The following GET1 variants were observed in gnomAD, a reference collection of about 807,000 sequenced individuals.
The protein encoded by GET1 is guided entry of tail-anchored proteins factor 1.
In GET1, 20 loss-of-function variants were observed where a neutral mutation model predicts 22.6. That is an observed-to-expected ratio of 0.89 (90% confidence interval 0.62 to 1.29). The LOEUF is 1.29. Ranked by LOEUF, GET1 falls within the 50% of genes most tolerant of loss-of-function variation. The pLI is 0.00. For synonymous variants in GET1, 92 were observed against 83.8 expected (o/e 1.10, Z -0.53); for missense variants, 209 against 219.9 (o/e 0.95, Z 0.31).
chr21:39,410,242 CA>C (rs2039854596), downstream of GET1: 2 of 1,467,586 alleles, frequency 1.4e-6, no homozygotes, highest in Admixed American at 3.5e-5. Context: ...TCAGACACTG[CA>C]AGATTCCAAA....
chr21:39,417,285 C>T (rs2041374337), intron 1 of GET1, among the ~76,000 whole-genome samples: 1 of 152,156 alleles, frequency 6.6e-6, no homozygotes, highest in Non-Finnish European at 1.5e-5. Context: ...GGTGATCCGC[C>T]CACCTTGGCC....
exon 2 of GET1, chr21:39,428,504 CTAA>C: frequency 6.8e-7 from 1 of 1,469,264 alleles, no homozygotes; most frequent in Non-Finnish European, 9.0e-7. Flanking sequence ...AGCAAACAAC[CTAA>C]TAAAAGAAAA....
chr21:39,380,703 AC>A, intron 1 of GET1: 13 of 1,364,500 alleles, frequency 9.5e-6, no homozygotes, highest in Non-Finnish European at 1.2e-5. Flanking sequence ...TGGGAGAAAC[AC>A]CGGGCAACCC....
chr21:39,395,947 AAAAT>A (rs2038613295), intron 4 of GET1, among the ~76,000 whole-genome samples: 1 of 152,254 alleles, frequency 6.6e-6, no homozygotes, highest in Non-Finnish European at 1.5e-5. Context: ...TGAGAAAGGA[AAAAT>A]AAATAATCTT....
At chr21:39,382,271 T>G (rs2037601025) in intron 1 of GET1, among the ~76,000 whole-genome samples, 1 of 151,882 alleles carries the variant, frequency 6.6e-6, no homozygotes. Flanking sequence ...CCCAGGTTGG[T>G]CTCAAACTCC....
At chr21:39,422,415 C>CT (rs2073921877) in intron 1 of GET1, 1 of 152,568 alleles carries the variant, frequency 6.6e-6, no homozygotes, top group Non-Finnish European at 1.5e-5. Context: ...CCAGTCATCT[C>CT]TTTAATTATT....
intron 1 of GET1, chr21:39,387,733 C>T (rs2038010052): frequency 2.1e-6 from 2 of 971,874 alleles, no homozygotes; most frequent in Non-Finnish European, 2.4e-6. Flanking sequence ...CGCTGGTAGG[C>T]GGCATCACTG....
chr21:39,394,860 T>G (rs765880467), intron 4 of GET1, among the ~76,000 whole-genome samples: 1 of 152,166 alleles, frequency 6.6e-6, no homozygotes, highest in South Asian at 2.1e-4. Context: ...ATCAGTACAT[T>G]TCTTTTCTTT....
chr21:39,423,094 TC>T, intron 1 of GET1: 2 of 1,613,990 alleles, frequency 1.2e-6, no homozygotes, highest in Non-Finnish European at 1.7e-6. Flanking sequence ...CTGCAAGATA[TC>T]TTTAGTCTTC....
chr21:39,391,470 C>T, intron 2 of GET1: 1 of 345,810 alleles, frequency 2.9e-6, no homozygotes. Context: ...AAAATTTAGT[C>T]CTGTTGGTAA....
chr21:39,394,082 C>G (rs553781102), intron 4 of GET1, among the ~76,000 whole-genome samples: 127 of 152,206 alleles, frequency 8.3e-4, no homozygotes, highest in Non-Finnish European at 1.5e-3. Flanking sequence ...GTAATCCTAG[C>G]ACTTTGGGAG....
chr21:39,388,367 C>G (rs575879591), intron 1 of GET1, among the ~76,000 whole-genome samples: 7 of 152,164 alleles, frequency 4.6e-5, no homozygotes, highest in Admixed American at 1.3e-4. Flanking sequence ...TCCTCAGACC[C>G]CATGCAGGTT....
intron 4 of GET1, among the ~76,000 whole-genome samples, 181 bp from the exon 5 acceptor site, chr21:39,396,685 C>CAAAA (rs5843962): frequency 1.0e-5 from 1 of 97,882 alleles, no homozygotes; most frequent in African/African-American, 3.9e-5. Flanking sequence ...GACTCCGTCT[C>CAAAA]AAAAAAAAAA....
At chr21:39,415,845 C>T (rs2041045158) in intron 1 of GET1, among the ~76,000 whole-genome samples, 1 of 152,172 alleles carries the variant, frequency 6.6e-6, no homozygotes. Context: ...ATGCTGCTGA[C>T]TGCATCCCAT....
intron 3 of GET1, among the ~76,000 whole-genome samples, chr21:39,392,221 A>C (rs1202408904): frequency 6.6e-6 from 1 of 152,124 alleles, no homozygotes; most frequent in Non-Finnish European, 1.5e-5. Context: ...TACTTCATGC[A>C]CGCTCTCCAC....
intron 1 of GET1, among the ~76,000 whole-genome samples, chr21:39,426,990 G>A (rs1211187027): frequency 6.6e-6 from 1 of 152,228 alleles, no homozygotes; most frequent in African/African-American, 2.4e-5. Flanking sequence ...TCACAGACAT[G>A]TGTCTTAGAT....
intron 1 of GET1, among the ~76,000 whole-genome samples, chr21:39,389,058 G>GCCTGCCTT (rs1353576637): frequency 1.3e-5 from 2 of 152,066 alleles, no homozygotes; most frequent in African/African-American, 4.8e-5. Flanking sequence ...ACGCCTGCCT[G>GCCTGCCTT]CCTGCCTTCC....
rs147098320 is a variant in GET1, at chr21:39,391,818, C to T, written c.318C>T (p.Val106=). 28 of 1,613,982 alleles carry T rather than the reference C, an allele frequency of 1.7e-5. No individual in the cohort carries two copies. The African/African-American group carries it at 3.2e-4, about 18-fold the overall frequency. The change falls in exon 3 of 5, where the codon GTC becomes GTT. Residue 106 remains valine, a synonymous_variant. Transcript: ENST00000649170. ...CCAAGATAAAATGGGTGATAAGTGTCGCTTTCTACGTATTGCAGGTAAGTG... is the reference window on the plus strand; with the variant it reads ...CCAAGATAAAATGGGTGATAAGTGTTGCTTTCTACGTATTGCAGGTAAGTG... ...QLAKIKWVIS[V]AFYVLQAALM... is the part of the protein sequence containing the mutation.
In GET1 at chr21:39,418,421, T is replaced by C. The variant is rs1007877057; in HGVS notation, c.*23+7484T>C. Among the ~76,000 whole-genome samples the C allele has an allele frequency of 1.6e-4, 24 of 152,342 alleles. 1 individual carries two copies. Among genetic ancestry groups the C allele is most frequent in the East Asian group, 9.6e-4 (5 of 5,184 alleles). Reference sequence around the variant, plus strand: ...AAAAATAAATTTGGATCTTACTGTATATAGAATTTTCTATCTTTTCATTAA... The same window carrying C: ...AAAAATAAATTTGGATCTTACTGTACATAGAATTTTCTATCTTTTCATTAA... On this transcript the variant is annotated intron_variant, in intron 1 of 1. Transcript: ENST00000478273.
Sources: gnomAD v4.1 joint callset for allele counts (sites outside exome capture counted in the v4.1 genomes callset) on GRCh38, gnomAD v4.1.1 for gene constraint, MANE v1.5 for transcripts, NCBI Gene and HGNC (gene_info 2026-07-23, HGNC 2026-07-21) for gene names.